The following GLCCI1 variants were observed in gnomAD, a reference collection of about 807,000 sequenced individuals.
The protein encoded by GLCCI1 is glucocorticoid-induced transcript 1 protein.
GLCCI1 carries 24 observed loss-of-function variants against 52.2 expected under a neutral mutation model. That is an observed-to-expected ratio of 0.46 (90% CI 0.33 to 0.65). GLCCI1 has a LOEUF of 0.65. Ranked by LOEUF, GLCCI1 falls within the 30% of genes least tolerant of loss-of-function variation. The pLI is 0.02. For missense variants in GLCCI1, 704 were observed against 701.5 expected, an observed-to-expected ratio of 1.00 and a Z score of -0.04; for synonymous variants, 310 against 276.5, an observed-to-expected ratio of 1.12 and a Z score of -1.20.
At position 7,969,323 on chromosome 7, in the gene GLCCI1, G is replaced by C; in HGVS notation, c.-28G>C. The C allele has an allele frequency of 7.2e-7, 1 of 1,395,750 alleles. No homozygotes were observed. Among genetic ancestry groups the C allele is most frequent in the Non-Finnish European group, 9.4e-7 (1 of 1,066,700 alleles). 86.5% of individuals were successfully genotyped at this position (1,395,750 alleles called of 1,614,324 possible). A position where few individuals can be genotyped will look rare whatever the true frequency, so the allele number is the denominator to read the frequency against. ...CCCGCCCCGCGCCTCCGTGTCGGCC[G>C]GCGGCGTCCAGGGCCCGCAGAGCCA... is the stretch of plus-strand genomic sequence containing the variant. On this transcript the variant is annotated 5_prime_UTR_variant, in exon 1 of 8. Transcript: ENST00000223145. This position sits in a 1 kb window ranked among gnomAD's most constrained non-coding sequence, Gnocchi z 4.9.
intron 2 of GLCCI1, among the ~76,000 whole-genome samples, chr7:8,008,602 T>C (rs927858946): frequency 1.3e-5 from 2 of 152,166 alleles, no homozygotes; most frequent in Non-Finnish European, 2.9e-5. Context: ...GCCAGTGTTA[T>C]ATGTCTTAAT....
In GLCCI1 at chr7:8,003,840, A is replaced by G. The variant is rs1583963079; in HGVS notation, c.458-68A>G. 1.8e-5 allele frequency: 25 copies of G among 1,384,610 alleles called. No individual in the cohort carries two copies. In the East Asian group the frequency reaches 3.0e-4, roughly 17 times the overall value. 85.8% of individuals were successfully genotyped at this position (1,384,610 alleles called of 1,614,324 possible). A position where few individuals can be genotyped will look rare whatever the true frequency, so the allele number is the denominator to read the frequency against. ...TTGACAGGATGACATTCTACAAACT[A>G]TGAAGTTAGATAACTTTAAATTTTA... On this transcript the variant is annotated intron_variant, in intron 1 of 7. Transcript: ENST00000223145.
intron 5 of GLCCI1, among the ~76,000 whole-genome samples, chr7:8,064,882 G>T (rs60609079): frequency 0.014 from 2,183 of 151,372 alleles, 37 homozygotes; most frequent in African/African-American, 0.049. Context: ...GAATTTTTTG[G>T]TTTTTTTTGT....
intron 2 of GLCCI1, among the ~76,000 whole-genome samples, chr7:8,008,006 G>A (rs1781191166): frequency 6.6e-6 from 1 of 152,044 alleles, no homozygotes; most frequent in South Asian, 2.1e-4. Context: ...ATGGTGTACA[G>A]CATGGTAGAC....
At chr7:7,999,434 C>T (rs1583959219) in intron 1 of GLCCI1, among the ~76,000 whole-genome samples, 1 of 152,024 alleles carries the variant, frequency 6.6e-6, no homozygotes, top group African/African-American at 2.4e-5. Context: ...ACAGCGAGAC[C>T]CCATCCCCAT....
At chr7:8,074,700 A>G (rs1007981435) in intron 6 of GLCCI1, among the ~76,000 whole-genome samples, 1 of 152,174 alleles carries the variant, frequency 6.6e-6, no homozygotes, top group Non-Finnish European at 1.5e-5. Context: ...AAAGATACTA[A>G]TTCTTTCCTA....
Position 8,067,856 on chromosome 7 carries a change from G to T in GLCCI1, c.967-3065G>T, listed in dbSNP as rs1194294682. Among the ~76,000 whole-genome samples, 3 of 152,064 alleles carry T rather than the reference G, an allele frequency of 2.0e-5. No individual in the cohort carries two copies. The East Asian group carries it at 5.8e-4, about 29-fold the overall frequency. ...GAATGGTCCTCTTGTGTAGTATTTTGCAGGGGTTCTCTGCATTTCCTGAAT... is the reference window on the plus strand; with the variant it reads ...GAATGGTCCTCTTGTGTAGTATTTTTCAGGGGTTCTCTGCATTTCCTGAAT... On this transcript the variant is annotated intron_variant, in intron 5 of 7. Transcript: ENST00000223145.
At chr7:8,011,034 G>A (rs781203400) in intron 2 of GLCCI1, among the ~76,000 whole-genome samples, 2 of 151,698 alleles carry the variant, frequency 1.3e-5, no homozygotes, top group African/African-American at 4.8e-5. Flanking sequence ...CAAGAGAATC[G>A]CTTGAACCCG....
chr7:8,038,065 C>T (rs1008014316), intron 3 of GLCCI1, among the ~76,000 whole-genome samples: 1 of 152,112 alleles, frequency 6.6e-6, no homozygotes, highest in Non-Finnish European at 1.5e-5. Flanking sequence ...ACAGAATATT[C>T]ACAGCAGCCA....
At chr7:7,991,197 A>G (rs1259203310) in intron 1 of GLCCI1, among the ~76,000 whole-genome samples, 1 of 152,094 alleles carries the variant, frequency 6.6e-6, no homozygotes, top group Non-Finnish European at 1.5e-5. Flanking sequence ...CTAGACAGTT[A>G]CGAGCTAATT....
At chr7:8,013,835 G>A (rs1424532811) in intron 2 of GLCCI1, among the ~76,000 whole-genome samples, 1 of 151,950 alleles carries the variant, frequency 6.6e-6, no homozygotes, top group Non-Finnish European at 1.5e-5. Flanking sequence ...TAATTTTTAG[G>A]TAATTTTCTT....
intron 2 of GLCCI1, among the ~76,000 whole-genome samples, chr7:8,009,929 G>T (rs1781230921): frequency 6.6e-6 from 1 of 151,426 alleles, no homozygotes; most frequent in African/African-American, 2.4e-5. Flanking sequence ...CTGAGCACTG[G>T]AAGTGGTTTT....
intron 1 of GLCCI1, among the ~76,000 whole-genome samples, chr7:7,990,698 G>A (rs1355588921): frequency 6.6e-6 from 1 of 152,076 alleles, no homozygotes; most frequent in Admixed American, 6.6e-5. Flanking sequence ...ATTTTCTGCT[G>A]CTTTTGGCCT....
At chr7:8,049,183 G>T (rs1226247775) in intron 3 of GLCCI1, among the ~76,000 whole-genome samples, 1 of 151,994 alleles carries the variant, frequency 6.6e-6, no homozygotes, top group South Asian at 2.1e-4. Context: ...GATGTTTCTT[G>T]CTTCCAGTCA....
At position 8,063,241 on chromosome 7, in the gene GLCCI1, G is replaced by A. The variant is rs7804887; in HGVS notation, c.966+2993G>A. Among the ~76,000 whole-genome samples the A allele has an allele frequency of 3.5e-3, 531 of 152,146 alleles. 4 individuals carry two copies. The highest frequency in any genetic ancestry group is 0.01 in the African/African-American group (426 of 41,504). On this transcript the variant is annotated intron_variant, in intron 5 of 7. Coordinates refer to ENST00000223145, the MANE Select transcript of GLCCI1 (RefSeq NM_138426.4). ...CAACTTCTGCCTCCCAGGTCCAAGC[G>A]ATTCTCCTGCCTCAGCCTCCCAAAT...
At chr7:8,049,360 A>G (rs148141230) in intron 3 of GLCCI1, among the ~76,000 whole-genome samples, 4 of 152,256 alleles carry the variant, frequency 2.6e-5, no homozygotes, top group African/African-American at 9.6e-5. Flanking sequence ...AATTGCAGTA[A>G]TGGTTTTTCT....
chr7:8,058,827 A>C (rs1782455763), intron 4 of GLCCI1, among the ~76,000 whole-genome samples: 1 of 152,244 alleles, frequency 6.6e-6, no homozygotes. Context: ...AACTTAACCT[A>C]CTAACAGCGT....
Position 8,072,196 on chromosome 7 carries a change from T to A in GLCCI1, c.1177+1065T>A, listed in dbSNP as rs902255478. Among the ~76,000 whole-genome samples the A allele has an allele frequency of 3.3e-5, 5 of 152,320 alleles. No homozygotes were observed. The East Asian group carries it at 9.6e-4, about 29-fold the overall frequency. ...TGACTTCCATCACTATAATTTAATT[T>A]CCCCTGTTACTAGACTTCATAGAAA... On this transcript the variant is annotated intron_variant, in intron 6 of 7. Coordinates refer to ENST00000223145, the MANE Select transcript of GLCCI1 (RefSeq NM_138426.4).
Position 7,969,875 on chromosome 7 carries a change from A to C in GLCCI1, c.457+68A>C, listed in dbSNP as rs1780305044. The C allele has an allele frequency of 1.6e-6, 2 of 1,266,770 alleles. No individual in the cohort carries two copies. The highest frequency in any genetic ancestry group is 2.0e-6 in the Non-Finnish European group (2 of 992,334). The allele number at this position is 1,266,770 out of a possible 1,614,324, so 78.5% of individuals were successfully genotyped here. A position where few individuals can be genotyped will look rare whatever the true frequency, so the allele number is the denominator to read the frequency against. On this transcript the variant is annotated intron_variant, in intron 1 of 7. Coordinates refer to ENST00000223145, the MANE Select transcript of GLCCI1 (RefSeq NM_138426.4). This position sits in a 1 kb window ranked among gnomAD's most constrained non-coding sequence, Gnocchi z 4.9. ...CGACGGTGCCCTCCGTGGAAACTTC[A>C]GCCTCTTCGGGCTTCTCTTTGCTAG...
Sources: gnomAD v4.1 joint callset for allele counts (sites outside exome capture counted in the v4.1 genomes callset) on GRCh38, gnomAD v4.1.1 for gene constraint, Gnocchi (gnomAD v3.1) non-coding constraint, MANE v1.5 for transcripts, NCBI Gene and HGNC (gene_info 2026-07-23, HGNC 2026-07-21) for gene names.